PDE3B: variants seen among roughly 807,000 people sequenced by gnomAD.
PDE3B encodes the protein cGMP-inhibited 3',5'-cyclic phosphodiesterase 3B.
In PDE3B, 66 loss-of-function variants were observed where a neutral mutation model predicts 116.8. That is an observed-to-expected ratio of 0.56 (90% CI 0.46 to 0.69). The LOEUF (loss-of-function observed/expected upper bound fraction) is 0.69, where lower values mean the gene tolerates loss of function less well. Ranked by LOEUF, PDE3B falls within the 30% of genes least tolerant of loss-of-function variation. PDE3B has a pLI of 0.00. For missense variants in PDE3B, 1,384 were observed against 1,368.1 expected (o/e 1.01, Z -0.18); for synonymous variants, 595 against 533.6 (o/e 1.12, Z -1.59).
Position 14,869,689 on chromosome 11 carries a change from T to C in PDE3B, c.*29T>C, listed in dbSNP as rs199604080. 1.1e-3 allele frequency: 1,742 copies of C among 1,586,572 alleles called. 2 individuals carry two copies. Among genetic ancestry groups the C allele is most frequent in the Non-Finnish European group, 1.4e-3 (1,595 of 1,158,488 alleles). ...CAGTTTGAGTAAAAGAAAAGTCATA[T>C]TGAAGAAGCCCAGAGGGTTGTGCCC... On this transcript the variant is annotated 3_prime_UTR_variant, in exon 16 of 16. Transcript: ENST00000282096.
intron 1 of PDE3B, among the ~76,000 whole-genome samples, chr11:14,656,687 T>C (rs139728502): frequency 1.3e-5 from 2 of 152,288 alleles, no homozygotes; most frequent in African/African-American, 4.8e-5. Flanking sequence ...ATATGAAATG[T>C]TGTGAGGATT....
intron 12 of PDE3B, among the ~76,000 whole-genome samples, chr11:14,855,077 G>C (rs144665981): frequency 0.01 from 1,549 of 152,172 alleles, 23 homozygotes; most frequent in African/African-American, 0.035. Context: ...ATTACTGCAG[G>C]AAATTTTAAA....
chr11:14,873,947 G>A (rs1848167548), downstream of PDE3B, among the ~76,000 whole-genome samples: 1 of 152,156 alleles, frequency 6.6e-6, no homozygotes, highest in African/African-American at 2.4e-5. Context: ...AGCACTTTGG[G>A]AGGCCGAGGA....
intron 1 of PDE3B, among the ~76,000 whole-genome samples, chr11:14,664,107 G>A (rs1214070683): frequency 2.6e-5 from 4 of 152,172 alleles, no homozygotes; most frequent in African/African-American, 9.7e-5. Context: ...TCAGGATTAA[G>A]AATCTCACTC....
intron 1 of PDE3B, among the ~76,000 whole-genome samples, chr11:14,712,876 TG>T (rs1320329363): frequency 2.6e-5 from 4 of 152,238 alleles, no homozygotes; most frequent in African/African-American, 9.6e-5. Context: ...CTCCTACTGA[TG>T]TCAGATTTAG....
intron 1 of PDE3B, among the ~76,000 whole-genome samples, chr11:14,761,427 A>G (rs554427984): frequency 8.5e-4 from 129 of 152,260 alleles, no homozygotes; most frequent in African/African-American, 3.1e-3. Context: ...ATTTTGTAGT[A>G]ACAGTCAATT....
At chr11:14,863,998 G>T (rs982348122) in intron 14 of PDE3B, among the ~76,000 whole-genome samples, 2 of 152,126 alleles carry the variant, frequency 1.3e-5, no homozygotes, top group Admixed American at 1.3e-4. Flanking sequence ...CCAATTAAAA[G>T]GCACAGACTG....
the PDE3B span, chr11:14,879,524 G>A: frequency 4.2e-6 from 5 of 1,187,202 alleles, no homozygotes; most frequent in Non-Finnish European, 6.0e-6. Context: ...ATAAAATAAA[G>A]GATAACCTAT....
chr11:14,791,962 T>A (rs1858403006), intron 4 of PDE3B, among the ~76,000 whole-genome samples: 1 of 152,150 alleles, frequency 6.6e-6, no homozygotes, highest in Non-Finnish European at 1.5e-5. Flanking sequence ...TTTACTTGTA[T>A]TTTTTTATTA....
At chr11:14,712,334 C>T (rs1855728792) in intron 1 of PDE3B, among the ~76,000 whole-genome samples, 1 of 152,128 alleles carries the variant, frequency 6.6e-6, no homozygotes, top group Middle Eastern at 3.2e-3. Flanking sequence ...ATTCTCTTGT[C>T]TTGGGCTCCC....
At chr11:14,668,070 AG>A (rs1301906127) in intron 1 of PDE3B, among the ~76,000 whole-genome samples, 2 of 151,890 alleles carry the variant, frequency 1.3e-5, no homozygotes, top group African/African-American at 4.8e-5. Flanking sequence ...ATCCTATTTC[AG>A]GGGGCTCAAG....
intron 1 of PDE3B, among the ~76,000 whole-genome samples, chr11:14,661,216 A>G (rs950146003): frequency 4.6e-5 from 7 of 152,252 alleles, no homozygotes; most frequent in Non-Finnish European, 8.8e-5. Flanking sequence ...AGACACATGC[A>G]CACATATGTT....
At chr11:14,795,014 G>A (rs560413215) in intron 4 of PDE3B, among the ~76,000 whole-genome samples, 2 of 152,218 alleles carry the variant, frequency 1.3e-5, no homozygotes, top group South Asian at 2.1e-4. Flanking sequence ...AAGCCCCCAC[G>A]TGTTTGGCTA....
intron 1 of PDE3B, among the ~76,000 whole-genome samples, chr11:14,676,294 GTACTT>G (rs977280347): frequency 5.3e-5 from 8 of 152,266 alleles, no homozygotes; most frequent in Middle Eastern, 3.4e-3. Flanking sequence ...ACATCACAGA[GTACTT>G]ACACAAACCT....
chr11:14,721,668 G>A (rs1359393805), intron 1 of PDE3B, among the ~76,000 whole-genome samples: 6 of 126,518 alleles, frequency 4.7e-5, no homozygotes, highest in South Asian at 5.6e-4. Flanking sequence ...GTAAACTATC[G>A]CAAGAACAAA....
chr11:14,861,008 G>C (rs1200762405), intron 13 of PDE3B, among the ~76,000 whole-genome samples, 197 bp from the exon 14 acceptor site: 1 of 151,932 alleles, frequency 6.6e-6, no homozygotes, highest in Non-Finnish European at 1.5e-5. Flanking sequence ...TTGCTAGAAA[G>C]CATTTTTTAG....
intron 12 of PDE3B, among the ~76,000 whole-genome samples, chr11:14,858,406 ACC>A (rs1205369875): frequency 1.3e-5 from 2 of 152,144 alleles, no homozygotes; most frequent in Admixed American, 6.5e-5. Flanking sequence ...CTGAGGAGGC[ACC>A]TCAGGGTCTT....
rs779456236 is a variant in PDE3B at position 14,871,433 on chromosome 11, T to G, written c.*1773T>G. On this transcript the variant is annotated 3_prime_UTR_variant, in exon 16 of 16. Transcript: ENST00000282096. ...TCTCTAGAGTACATTTTCCATCATG[T>G]TTAAGTGTATTTCTGCTATTATTTC... is the stretch of plus-strand genomic sequence containing the variant. 2 of 152,140 alleles carry G rather than the reference T, an allele frequency of 1.3e-5. No homozygotes were observed. The highest frequency in any genetic ancestry group is 2.9e-5 in the Non-Finnish European group (2 of 67,996). The allele number at this position is 152,140 out of a possible 1,614,324, so 9.4% of individuals were successfully genotyped here.
intron 1 of PDE3B, among the ~76,000 whole-genome samples, chr11:14,686,235 A>G (rs1053983478): frequency 1.3e-5 from 2 of 152,208 alleles, no homozygotes. Context: ...TTCCATTCGA[A>G]TTCTACAAAT....
Sources: gnomAD v4.1 joint callset for allele counts (sites outside exome capture counted in the v4.1 genomes callset) on GRCh38, gnomAD v4.1.1 for gene constraint, MANE v1.5 for transcripts, NCBI Gene and HGNC (gene_info 2026-07-23, HGNC 2026-07-21) for gene names.